The following PTPRG variants were observed in gnomAD, a reference collection of about 807,000 sequenced individuals.
The protein encoded by PTPRG is receptor-type tyrosine-protein phosphatase gamma.
In PTPRG, 102 loss-of-function variants were observed where a neutral mutation model predicts 165.3. The observed-to-expected ratio is 0.62, with a 90% CI of 0.53 to 0.73. The LOEUF (loss-of-function observed/expected upper bound fraction) is 0.73. Ranked by LOEUF, PTPRG falls within the 30% of genes least tolerant of loss-of-function variation. The probability of loss-of-function intolerance (pLI) is 0.00; values close to 1 mark genes in which losing one functional copy is unlikely to be tolerated. For missense variants in PTPRG, 1,866 were observed against 1,861.4 expected (o/e 1.00, Z -0.05); for synonymous variants, 675 against 669.5 (o/e 1.01, Z -0.13).
rs1022122148 is a variant in PTPRG, at chr3:62,229,330, C to T, written c.2289-1895C>T. Among the ~76,000 whole-genome samples the T allele has an allele frequency of 6.6e-6, 1 of 152,152 alleles. No homozygotes were observed. The highest frequency in any genetic ancestry group is 1.5e-5 in the Non-Finnish European group (1 of 68,038). On this transcript the variant is annotated intron_variant, in intron 13 of 29. Transcript: ENST00000474889. The surrounding 1 kb of genome is among the most constrained non-coding windows in gnomAD (Gnocchi z 4.6). Reference sequence around the variant, plus strand: ...TCCCAGGCAACTTTTTGCTCAATAACTGTTTCCCAAATGGCTACTCAGGGG... The same window carrying T: ...TCCCAGGCAACTTTTTGCTCAATAATTGTTTCCCAAATGGCTACTCAGGGG...
rs545892383 is a variant in PTPRG at position 62,289,709 on chromosome 3, C to CA, written c.4056-2704dup. ...ACACCCATTCATGATCCCCCCCCCC[C>CA]AAAAAAAACACTTAGAGTAAAAATA... On this transcript the variant is annotated intron_variant, in intron 28 of 29. Coordinates refer to ENST00000474889, the MANE Select transcript of PTPRG (RefSeq NM_002841.4). 5.9e-4 allele frequency among the ~76,000 whole-genome samples: 73 copies of CA among 122,690 alleles called. No individual in the cohort carries two copies. The South Asian group carries it at 0.013, about 21-fold the overall frequency. 80.5% of individuals were successfully genotyped at this position (122,690 alleles called of 152,430 possible). A position where few individuals can be genotyped will look rare whatever the true frequency, so the allele number is the denominator to read the frequency against.
chr3:62,124,485 A>G, intron 5 of PTPRG: 1 of 1,609,330 alleles, frequency 6.2e-7, no homozygotes, highest in Non-Finnish European at 8.5e-7. Flanking sequence ...TTGGAGTAGC[A>G]GTCATTCATG....
chr3:62,221,724 G>A, intron 13 of PTPRG, among the ~76,000 whole-genome samples: 1 of 152,164 alleles, frequency 6.6e-6, no homozygotes, highest in South Asian at 2.1e-4. Flanking sequence ...GCACCGGGGG[G>A]TTCAAACCTG....
chr3:62,269,030 TGCAG>T lies in PTPRG; in HGVS notation c.2875-4_2875-1del. 1 of 1,542,326 alleles carries T rather than the reference TGCAG, an allele frequency of 6.5e-7. No homozygotes were observed. The highest frequency in any genetic ancestry group is 1.8e-5 in the Admixed American group (1 of 54,564). Reference sequence around the variant, plus strand: ...TTATACTTTACAACTTTTTTCTTTCTGCAGCGAAAATGTGATCAGTATTGGCCAA... The same window carrying T: ...TTATACTTTACAACTTTTTTCTTTCTCGAAAATGTGATCAGTATTGGCCAA... On this transcript the variant is annotated splice_acceptor_variant and splice_polypyrimidine_tract_variant and intron_variant, in intron 19 of 29. Coordinates refer to ENST00000474889, the MANE Select transcript of PTPRG (RefSeq NM_002841.4). LOFTEE classifies it high-confidence loss of function.
chr3:61,600,020 T>C (rs1700807923), intron 1 of PTPRG, among the ~76,000 whole-genome samples: 2 of 151,426 alleles, frequency 1.3e-5, no homozygotes, highest in African/African-American at 4.9e-5. Context: ...ATTAGCCAGG[T>C]GTGGTGGTGT....
intron 1 of PTPRG, among the ~76,000 whole-genome samples, chr3:61,609,622 C>T (rs998370004): frequency 1.3e-5 from 2 of 151,998 alleles, no homozygotes; most frequent in Non-Finnish European, 2.9e-5. Flanking sequence ...TTCGTGAGGC[C>T]GAGTTGGGTG....
chr3:61,926,808 A>G (rs2107574697), intron 2 of PTPRG, among the ~76,000 whole-genome samples: 1 of 151,988 alleles, frequency 6.6e-6, no homozygotes, highest in East Asian at 1.9e-4. Context: ...AGTGGACCAT[A>G]ATTATTTAGA....
At chr3:61,639,520 T>C (rs1375705169) in intron 1 of PTPRG, among the ~76,000 whole-genome samples, 1 of 152,252 alleles carries the variant, frequency 6.6e-6, no homozygotes, top group Non-Finnish European at 1.5e-5. Flanking sequence ...GTTTTAACGA[T>C]ATTGATTCTT....
intron 2 of PTPRG, among the ~76,000 whole-genome samples, chr3:61,848,425 C>A (rs1463039697): frequency 1.3e-5 from 2 of 152,176 alleles, no homozygotes; most frequent in Non-Finnish European, 2.9e-5. Flanking sequence ...TGGCAAACTT[C>A]ACATTCAGTG....
At chr3:61,979,381 G>A (rs2040585877) in intron 2 of PTPRG, among the ~76,000 whole-genome samples, 2 of 152,136 alleles carry the variant, frequency 1.3e-5, no homozygotes, top group South Asian at 4.1e-4. Context: ...CCTTACCCTA[G>A]TCCTATCCCT....
chr3:61,950,043 G>C (rs1485661199), intron 2 of PTPRG, among the ~76,000 whole-genome samples: 2 of 152,194 alleles, frequency 1.3e-5, no homozygotes, highest in Admixed American at 6.5e-5. Flanking sequence ...ACTGAGCCCG[G>C]CCAAGCCTTT....
chr3:61,674,441 C>A (rs112750405), intron 1 of PTPRG, among the ~76,000 whole-genome samples: 35 of 138,632 alleles, frequency 2.5e-4, no homozygotes, highest in Non-Finnish European at 4.4e-4. Flanking sequence ...CAGCTGAGAT[C>A]GCCCCACTGC....
intron 6 of PTPRG, among the ~76,000 whole-genome samples, chr3:62,137,042 A>T (rs1703735416): frequency 6.6e-6 from 1 of 152,192 alleles, no homozygotes. Context: ...GAGGAAATAT[A>T]AATAGAATGG....
rs533897532 is a variant in PTPRG, at chr3:61,967,354, G to T, written c.191-22271G>T. On this transcript the variant is annotated intron_variant, in intron 2 of 29. Transcript: ENST00000474889. ...AGTCGAATGTTAAAAACCTCCATTA[G>T]AAACATTTTATTATTACTCATTTTA... Among the ~76,000 whole-genome samples the T allele has an allele frequency of 2.6e-5, 4 of 152,086 alleles. No individual in the cohort carries two copies. The South Asian group carries it at 8.3e-4, about 32-fold the overall frequency.
At chr3:61,893,545 G>A (rs1575760614) in intron 2 of PTPRG, among the ~76,000 whole-genome samples, 1 of 152,358 alleles carries the variant, frequency 6.6e-6, no homozygotes, top group East Asian at 1.9e-4. Context: ...AGCTGCCTCT[G>A]CAGTTTGGAT....
chr3:61,697,924 C>T (rs188437347), intron 1 of PTPRG, among the ~76,000 whole-genome samples: 1 of 152,298 alleles, frequency 6.6e-6, no homozygotes. Context: ...TTTATCCCTA[C>T]AACACCAAGA....
chr3:62,002,278 C>G (rs1269113471), intron 3 of PTPRG, among the ~76,000 whole-genome samples: 5 of 152,164 alleles, frequency 3.3e-5, no homozygotes, highest in East Asian at 3.9e-4. Flanking sequence ...CGCTAAAGCT[C>G]TAACTAGGAT....
At chr3:62,223,996 A>C (rs1700707420) in intron 13 of PTPRG, among the ~76,000 whole-genome samples, 1 of 152,170 alleles carries the variant, frequency 6.6e-6, no homozygotes, top group African/African-American at 2.4e-5. Context: ...TTTAGAGCTA[A>C]ATATAGCATA....
Position 62,282,867 on chromosome 3 carries a change from T to G in PTPRG, c.4053T>G (p.Asp1351Glu). 6.2e-7 allele frequency: 1 copy of G among 1,605,446 alleles called. No individual in the cohort carries two copies. The highest frequency in any genetic ancestry group is 8.5e-7 in the Non-Finnish European group (1 of 1,175,022). Residue 1351 changes from aspartate to glutamate, a missense_variant and splice_region_variant, in exon 28 of 30, where the codon GAT becomes GAG. Transcript: ENST00000474889. Reference sequence around the variant, plus strand: ...GGGATGGTCCCACCATTGTTCATGATGAGTATGTATCTGTTTCTTAATTTT... The same window carrying G: ...GGGATGGTCCCACCATTGTTCATGAGGAGTATGTATCTGTTTCTTAATTTT... ...LTRDGPTIVH[D>E]EYGAVSAGML...
Sources: gnomAD v4.1 joint callset for allele counts (sites outside exome capture counted in the v4.1 genomes callset) on GRCh38, gnomAD v4.1.1 for gene constraint, Gnocchi (gnomAD v3.1) non-coding constraint, MANE v1.5 for transcripts, NCBI Gene and HGNC (gene_info 2026-07-23, HGNC 2026-07-21) for gene names.